Variants in ZSCAN5A observed in about 807,000 individuals in gnomAD.
ZSCAN5A encodes zinc finger and SCAN domain containing 5A, also known as zinc finger and SCAN domain-containing protein 5A.
In ZSCAN5A, 12 loss-of-function variants were observed where a neutral mutation model predicts 23.7. The ratio of observed to expected loss-of-function variants is 0.51; its 90% CI spans 0.32 to 0.82. The LOEUF (loss-of-function observed/expected upper bound fraction) is 0.82, where lower values mean the gene tolerates loss of function less well. ZSCAN5A is among the 40% of genes least tolerant of loss of function. The probability of loss-of-function intolerance (pLI) is 0.03; values close to 1 mark genes in which losing one functional copy is unlikely to be tolerated. For synonymous variants in ZSCAN5A, 257 were observed against 239.9 expected (o/e 1.07, Z -0.66); for missense variants, 597 against 617.9 (o/e 0.97, Z 0.36).
At chr19:56,312,175 T>C (rs1481208249) in intron 2 of ZSCAN5A, 1 of 152,372 alleles carries the variant, frequency 6.6e-6, no homozygotes, top group Non-Finnish European at 1.5e-5. Flanking sequence ...TTTTCACTTA[T>C]GGCACATCTC....
intron 2 of ZSCAN5A, chr19:56,286,298 G>A (rs1314546924): frequency 6.6e-6 from 1 of 152,166 alleles, no homozygotes; most frequent in African/African-American, 2.4e-5. Context: ...GGAATTACAG[G>A]TGTGAGCCCC....
At chr19:56,268,183 A>C (rs1396749469) in intron 2 of ZSCAN5A, among the ~76,000 whole-genome samples, 1 of 152,154 alleles carries the variant, frequency 6.6e-6, no homozygotes, top group Non-Finnish European at 1.5e-5. Context: ...CTATTCTAGG[A>C]CCTAGTCAGT....
At chr19:56,238,542 AG>A (rs1234980762) in intron 2 of ZSCAN5A, among the ~76,000 whole-genome samples, 1 of 152,178 alleles carries the variant, frequency 6.6e-6, no homozygotes, top group Non-Finnish European at 1.5e-5. Flanking sequence ...AGGCTGGAGC[AG>A]GAGGCTCTCT....
At chr19:56,307,706 A>AT (rs2040790389) in intron 2 of ZSCAN5A, among the ~76,000 whole-genome samples, 1 of 152,146 alleles carries the variant, frequency 6.6e-6, no homozygotes, top group Non-Finnish European at 1.5e-5. Context: ...AGGTAATACA[A>AT]TTTTTTCCCC....
intron 2 of ZSCAN5A, among the ~76,000 whole-genome samples, chr19:56,353,705 C>T (rs1023976343): frequency 1.3e-5 from 2 of 151,974 alleles, no homozygotes; most frequent in African/African-American, 4.8e-5. Context: ...TGGCATGAAC[C>T]CGGGAGGCAG....
At chr19:56,231,833 T>C (rs530172577) in intron 2 of ZSCAN5A, among the ~76,000 whole-genome samples, 207 of 152,208 alleles carry the variant, frequency 1.4e-3, no homozygotes, top group African/African-American at 4.7e-3. Context: ...CATGAAGTCA[T>C]TGCCGTCATC....
chr19:56,269,211 C>A (rs571159265), intron 2 of ZSCAN5A, among the ~76,000 whole-genome samples: 3 of 152,254 alleles, frequency 2.0e-5, no homozygotes, highest in Admixed American at 2.0e-4. Context: ...AAACTATCTT[C>A]TACAGGGGCT....
intron 2 of ZSCAN5A, among the ~76,000 whole-genome samples, chr19:56,353,638 T>A (rs1037774624): frequency 5.3e-5 from 8 of 151,406 alleles, no homozygotes; most frequent in Non-Finnish European, 8.8e-5. Flanking sequence ...AAAAATTAGC[T>A]GCGCGTGGTG....
intron 2 of ZSCAN5A, among the ~76,000 whole-genome samples, chr19:56,349,487 G>A (rs946116130): frequency 6.6e-6 from 1 of 152,082 alleles, no homozygotes; most frequent in African/African-American, 2.4e-5. Context: ...ACGAGGTCAG[G>A]AGATCGAGAC....
chr19:56,333,503 A>G (rs2041507909), intron 2 of ZSCAN5A, among the ~76,000 whole-genome samples: 1 of 151,822 alleles, frequency 6.6e-6, no homozygotes, highest in Non-Finnish European at 1.5e-5. Context: ...GCTCTGACTG[A>G]TTTCTTTTTG....
intron 2 of ZSCAN5A, among the ~76,000 whole-genome samples, chr19:56,280,153 CTT>C (rs982263059): frequency 8.5e-5 from 13 of 152,250 alleles, no homozygotes; most frequent in Admixed American, 2.0e-4. Context: ...TCAAAGTCCT[CTT>C]GTTTCTATTT....
chr19:56,300,873 C>T (rs116924805), intron 2 of ZSCAN5A, among the ~76,000 whole-genome samples: 1,827 of 152,124 alleles, frequency 0.012, 30 homozygotes, highest in African/African-American at 0.033. Context: ...GTTACACAGG[C>T]GAAAGAAACA....
At chr19:56,249,086 A>G (rs2036163648) in intron 2 of ZSCAN5A, among the ~76,000 whole-genome samples, 1 of 151,942 alleles carries the variant, frequency 6.6e-6, no homozygotes, top group Non-Finnish European at 1.5e-5. Context: ...TAAATTTGGC[A>G]ACTTCTAAAT....
intron 2 of ZSCAN5A, among the ~76,000 whole-genome samples, chr19:56,302,600 CTTCTT>C (rs2040396486): frequency 1.4e-5 from 1 of 70,862 alleles, no homozygotes; most frequent in Non-Finnish European, 2.9e-5. Flanking sequence ...TCCTCTCCCT[CTTCTT>C]CCTCTCCCTC....
At chr19:56,367,814 C>A (rs921862205) in intron 1 of ZSCAN5A, 1 of 152,188 alleles carries the variant, frequency 6.6e-6, no homozygotes, top group African/African-American at 2.4e-5. Context: ...CATATAGGGT[C>A]ACATATCAAA....
chr19:56,361,634 T>G (rs1023663649), intron 2 of ZSCAN5A, among the ~76,000 whole-genome samples: 4 of 152,084 alleles, frequency 2.6e-5, no homozygotes, highest in African/African-American at 7.2e-5. Context: ...ATGTTCTCAC[T>G]TATAAGTGGG....
intron 2 of ZSCAN5A, among the ~76,000 whole-genome samples, chr19:56,287,308 GTT>G (rs1303221183): frequency 6.6e-6 from 1 of 152,234 alleles, no homozygotes; most frequent in African/African-American, 2.4e-5. Context: ...CTATGACTGA[GTT>G]TTGATGGAGA....
At chr19:56,282,224 G>A (rs139564266) in intron 2 of ZSCAN5A, among the ~76,000 whole-genome samples, 1 of 152,220 alleles carries the variant, frequency 6.6e-6, no homozygotes, top group Non-Finnish European at 1.5e-5. Context: ...AATTCAGCTG[G>A]AGAAGGGAGG....
chr19:56,267,557 C>T (rs1017094084), intron 2 of ZSCAN5A, among the ~76,000 whole-genome samples: 3 of 152,158 alleles, frequency 2.0e-5, no homozygotes, highest in African/African-American at 4.8e-5. Flanking sequence ...GCTCAGCAGC[C>T]GCACGTGGCT....
Sources: allele counts gnomAD v4.1 joint callset (sites outside exome capture counted in the v4.1 genomes callset), GRCh38; gene constraint gnomAD v4.1.1; transcripts MANE v1.5; gene names NCBI Gene and HGNC (gene_info 2026-07-23, HGNC 2026-07-21).